Variants in CSRNP3 observed in about 807,000 individuals in gnomAD.
The protein encoded by CSRNP3 is cysteine and serine rich nuclear protein 3, also known as cysteine/serine-rich nuclear protein 3.
A neutral mutation model predicts 48.0 loss-of-function variants in CSRNP3; 12 were observed. That is an observed-to-expected ratio of 0.25 (90% CI 0.16 to 0.41). The LOEUF is 0.41. CSRNP3 is among the 10% of genes least tolerant of loss of function. CSRNP3 has a pLI of 1.00. For missense variants in CSRNP3, 580 were observed against 724.4 expected (o/e 0.80, Z 2.29); for synonymous variants, 263 against 269.7 (o/e 0.98, Z 0.24).
intron 3 of CSRNP3, among the ~76,000 whole-genome samples, chr2:165,527,330 C>A (rs1185732914): frequency 6.6e-6 from 1 of 151,176 alleles, no homozygotes; most frequent in East Asian, 2.0e-4. Flanking sequence ...CCTCAGCCTC[C>A]CGAGTAGCTG....
chr2:165,524,304 G>C (rs1437972869), intron 3 of CSRNP3, among the ~76,000 whole-genome samples: 1 of 151,996 alleles, frequency 6.6e-6, no homozygotes. Context: ...GGTGTGATCT[G>C]TGCATTACAC....
chr2:165,655,050 T>C (rs1686979737), intron 4 of CSRNP3, among the ~76,000 whole-genome samples: 1 of 152,216 alleles, frequency 6.6e-6, no homozygotes, highest in Non-Finnish European at 1.5e-5. Flanking sequence ...GCAGCCTCTA[T>C]ATATTTGGCT....
At chr2:165,513,337 A>G (rs908017813) in intron 2 of CSRNP3, among the ~76,000 whole-genome samples, 1 of 152,156 alleles carries the variant, frequency 6.6e-6, no homozygotes, top group Non-Finnish European at 1.5e-5. Context: ...ACACCAGACA[A>G]TTACTCCACT....
intron 4 of CSRNP3, among the ~76,000 whole-genome samples, chr2:165,620,960 ATTAT>A (rs1248263756): frequency 6.6e-6 from 1 of 152,078 alleles, no homozygotes; most frequent in Non-Finnish European, 1.5e-5. Context: ...TATAAAACTA[ATTAT>A]TTAACCCACT....
At chr2:165,642,175 C>A (rs1357973721) in intron 4 of CSRNP3, among the ~76,000 whole-genome samples, 1 of 151,496 alleles carries the variant, frequency 6.6e-6, no homozygotes, top group Non-Finnish European at 1.5e-5. Flanking sequence ...GCCCTATGCA[C>A]CCTGTAGATG....
intron 2 of CSRNP3, among the ~76,000 whole-genome samples, chr2:165,503,624 A>AT (rs1204293392): frequency 6.6e-6 from 1 of 152,022 alleles, no homozygotes; most frequent in African/African-American, 2.4e-5. Context: ...TTGTTATGCC[A>AT]TTGGAATTAC....
intron 3 of CSRNP3, among the ~76,000 whole-genome samples, chr2:165,553,939 C>T (rs1424175600): frequency 1.3e-5 from 2 of 152,194 alleles, no homozygotes; most frequent in East Asian, 1.9e-4. Flanking sequence ...CCATTTCTTA[C>T]CCATCTGCTT....
At chr2:165,581,657 C>T (rs896033803) in intron 3 of CSRNP3, among the ~76,000 whole-genome samples, 1 of 151,932 alleles carries the variant, frequency 6.6e-6, no homozygotes, top group Admixed American at 6.6e-5. Flanking sequence ...CTGCCTCAGC[C>T]TCCCGAGTAG....
chr2:165,679,530 G>T lies in CSRNP3; in HGVS notation c.1535G>T (p.Gly512Val), dbSNP rs1441268923. 1.9e-6 allele frequency: 3 copies of T among 1,613,744 alleles called. No homozygotes were observed. Among genetic ancestry groups the T allele is most frequent in the Non-Finnish European group, 2.5e-6 (3 of 1,179,956 alleles). Residue 512 changes from glycine to valine, a missense_variant, in exon 7 of 7, where the codon GGT becomes GTT. Gly to Val is a moderately radical substitution (Grantham distance 109). Around this residue, in one of 4 missense-constraint regions of CSRNP3, gnomAD observed 369 missense variants for 380.8 expected, o/e 0.97. Transcript: ENST00000651982. Reference sequence around the variant, plus strand: ...TGCTCCTCTTCCGAAAATGATAGCGGTGTGCCCTGCAATAGTTTATATCCT... The same window carrying T: ...TGCTCCTCTTCCGAAAATGATAGCGTTGTGCCCTGCAATAGTTTATATCCT... ...VCCSSSENDSGVPCNSLYPEH... is the reference protein window; with the variant it reads ...VCCSSSENDSVVPCNSLYPEH...
At chr2:165,487,780 G>T (rs1192455815) in intron 1 of CSRNP3, among the ~76,000 whole-genome samples, 3 of 150,860 alleles carry the variant, frequency 2.0e-5, no homozygotes, top group Non-Finnish European at 4.4e-5. Flanking sequence ...TGCCCTAAAA[G>T]AACTCCTGAA....
intron 3 of CSRNP3, among the ~76,000 whole-genome samples, chr2:165,591,917 A>C (rs753764329): frequency 1.3e-5 from 2 of 152,156 alleles, no homozygotes; most frequent in African/African-American, 2.4e-5. Context: ...CCACTGGGGC[A>C]CTGCCTAGTG....
intron 5 of CSRNP3, among the ~76,000 whole-genome samples, chr2:165,670,793 A>T (rs1687315104): frequency 6.6e-6 from 1 of 152,204 alleles, no homozygotes; most frequent in Admixed American, 6.5e-5. Context: ...TCAAGAAAAC[A>T]CAGAAATAAA....
intron 3 of CSRNP3, among the ~76,000 whole-genome samples, chr2:165,546,577 A>G (rs537873757): frequency 1.1e-3 from 170 of 152,308 alleles, no homozygotes; most frequent in Middle Eastern, 6.8e-3. Flanking sequence ...GATTCATTCT[A>G]AACAATTTCT....
chr2:165,666,347 AAAGG>A lies in CSRNP3; in HGVS notation c.408+8342_408+8345del, dbSNP rs1337630615. ...GAGAGGAAGAAAGAAAGAGAGAGAG[AAAGG>A]AAGGAAGGAAGGAAAGAGAGAGGAA... On this transcript the variant is annotated intron_variant, in intron 5 of 6. Transcript: ENST00000651982. Among the ~76,000 whole-genome samples, 719 of 109,224 alleles carry A rather than the reference AAAGG, an allele frequency of 6.6e-3. 34 individuals are homozygous for A. The highest frequency in any genetic ancestry group is 0.011 in the Non-Finnish European group (542 of 50,116). The allele number at this position is 109,224 out of a possible 152,430, so 71.7% of individuals were successfully genotyped here. A position where few individuals can be genotyped will look rare whatever the true frequency, so the allele number is the denominator to read the frequency against.
At chr2:165,506,764 A>G (rs1027712179) in intron 2 of CSRNP3, among the ~76,000 whole-genome samples, 13 of 152,012 alleles carry the variant, frequency 8.6e-5, no homozygotes, top group East Asian at 1.9e-4. Context: ...CACGAACTCT[A>G]TTTTCTAAAC....
intron 3 of CSRNP3, among the ~76,000 whole-genome samples, chr2:165,539,749 T>C (rs532226121): frequency 2.0e-5 from 3 of 152,172 alleles, no homozygotes; most frequent in East Asian, 3.9e-4. Flanking sequence ...AAGCAAAAAG[T>C]CAGAAGTAAG....
intron 4 of CSRNP3, among the ~76,000 whole-genome samples, chr2:165,637,517 C>T (rs7584260): frequency 0.018 from 2,801 of 152,292 alleles, 73 homozygotes; most frequent in African/African-American, 0.062. Flanking sequence ...CGGAAAGGAG[C>T]GCCACATTCA....
At chr2:165,539,145 G>A (rs1442756161) in intron 3 of CSRNP3, among the ~76,000 whole-genome samples, 4 of 151,830 alleles carry the variant, frequency 2.6e-5, no homozygotes, top group African/African-American at 9.7e-5. Flanking sequence ...ATTTATGTTT[G>A]TTGTAATACA....
At chr2:165,602,322 C>T (rs1685929347) in intron 4 of CSRNP3, among the ~76,000 whole-genome samples, 1 of 152,102 alleles carries the variant, frequency 6.6e-6, no homozygotes, top group African/African-American at 2.4e-5. Flanking sequence ...ATAAAGGTGC[C>T]TCTGAAAATC....
Sources: gnomAD v4.1 joint callset for allele counts (sites outside exome capture counted in the v4.1 genomes callset) on GRCh38, gnomAD v4.1.1 for gene constraint, gnomAD v4.1.1 regional missense constraint, MANE v1.5 for transcripts, NCBI Gene and HGNC (gene_info 2026-07-23, HGNC 2026-07-21) for gene names.